PARD3B: variants seen among roughly 807,000 people sequenced by gnomAD.
PARD3B encodes partitioning defective 3 homolog B.
Under a neutral mutation model 130.2 loss-of-function variants are expected in PARD3B, and 103 were observed. The ratio of observed to expected loss-of-function variants is 0.79; its 90% confidence interval spans 0.67 to 0.93. PARD3B has a LOEUF of 0.93. Ranked by LOEUF, PARD3B falls within the 40% of genes least tolerant of loss-of-function variation. The pLI, the probability that PARD3B is intolerant of heterozygous loss-of-function variation, is 0.00. For synonymous variants in PARD3B, 583 were observed against 553.2 expected, an observed-to-expected ratio of 1.05 and a Z score of -0.76; for missense variants, 1,609 against 1,499.2, an observed-to-expected ratio of 1.07 and a Z score of -1.21.
At chr2:205,210,253 A>T (rs6731255) in intron 15 of PARD3B, among the ~76,000 whole-genome samples, 2 of 151,684 alleles carry the variant, frequency 1.3e-5, no homozygotes, top group Admixed American at 1.3e-4. Flanking sequence ...AAATAAAAAG[A>T]AAATCAGCTT....
rs146769665 is a variant in PARD3B, at chr2:205,576,900, A to G, written c.3260+23497A>G. 1.6e-3 allele frequency among the ~76,000 whole-genome samples: 243 copies of G among 152,310 alleles called. 1 individual carries two copies. The highest frequency in any genetic ancestry group is 2.5e-3 in the Non-Finnish European group (172 of 68,026). ...CAAGTTGGGAAGAACTGACATCTTG[A>G]GAGTATTGAGTCTTCCATCCATAAA... is the stretch of plus-strand genomic sequence containing the variant. On this transcript the variant is annotated intron_variant, in intron 22 of 22. Transcript: ENST00000406610.
At chr2:205,099,131 AGAG>A (rs1212294867) in intron 4 of PARD3B, among the ~76,000 whole-genome samples, 1 of 152,188 alleles carries the variant, frequency 6.6e-6, no homozygotes, top group Admixed American at 6.5e-5. Context: ...TTTGACCAAA[AGAG>A]GAGATAAAAT....
chr2:205,059,025 T>G (rs1357259057), intron 4 of PARD3B, among the ~76,000 whole-genome samples: 2 of 152,012 alleles, frequency 1.3e-5, no homozygotes, highest in African/African-American at 2.4e-5. Context: ...TATGAAGATT[T>G]TGCCTTATGT....
chr2:204,619,806 C>T (rs73059028), intron 1 of PARD3B, among the ~76,000 whole-genome samples: 12 of 152,198 alleles, frequency 7.9e-5, no homozygotes, highest in African/African-American at 2.6e-4. Flanking sequence ...AGAGAAGGGA[C>T]GGTATCAGGG....
At chr2:205,037,768 G>A (rs970030456) in intron 3 of PARD3B, among the ~76,000 whole-genome samples, 1 of 151,788 alleles carries the variant, frequency 6.6e-6, no homozygotes, top group Admixed American at 6.6e-5. Flanking sequence ...CCCAATGGGA[G>A]GAAGAGTAGT....
rs112401616 is a variant in PARD3B, at chr2:204,561,721, G to A, written c.120+15602G>A. Among the ~76,000 whole-genome samples the A allele has an allele frequency of 6.5e-3, 976 of 151,116 alleles. 6 individuals carry two copies. The highest frequency in any genetic ancestry group is 0.021 in the Middle Eastern group (6 of 292). On this transcript the variant is annotated intron_variant, in intron 1 of 22. Transcript: ENST00000406610. ...AGTGATTCTCCTGCCTCAGCCTCCC[G>A]AGTAGCTGGGATTACAGGTGCACGC...
intron 2 of PARD3B, among the ~76,000 whole-genome samples, chr2:204,727,057 T>A (rs2039266923): frequency 6.6e-6 from 1 of 152,202 alleles, no homozygotes; most frequent in African/African-American, 2.4e-5. Flanking sequence ...TTGAAACTCT[T>A]TGAACAGTTT....
rs369766633 is a variant in PARD3B, at chr2:205,473,684, GTATATA to G, written c.3045-26191_3045-26186del. Among the ~76,000 whole-genome samples the G allele has an allele frequency of 2.7e-3, 307 of 114,604 alleles. 2 individuals carry two copies. Among genetic ancestry groups the G allele is most frequent in the African/African-American group, 9.9e-3 (272 of 27,410 alleles). 75.2% of individuals were successfully genotyped at this position (114,604 alleles called of 152,430 possible). A position where few individuals can be genotyped will look rare whatever the true frequency, so the allele number is the denominator to read the frequency against. ...TGTGTGTGTGTGTGTGTGTGTGTAT[GTATATA>G]TATATATATATATATATATACACAC... is the stretch of plus-strand genomic sequence containing the variant. On this transcript the variant is annotated intron_variant, in intron 20 of 22. Transcript: ENST00000406610. This position sits in a 1 kb window ranked among gnomAD's most constrained non-coding sequence, Gnocchi z 4.9.
chr2:204,876,070 G>C (rs2045830447), intron 2 of PARD3B, among the ~76,000 whole-genome samples: 1 of 152,174 alleles, frequency 6.6e-6, no homozygotes, highest in Non-Finnish European at 1.5e-5. Context: ...CATGGCAGTG[G>C]AGCCAGTTGT....
intron 20 of PARD3B, among the ~76,000 whole-genome samples, chr2:205,498,707 C>T (rs188671115): frequency 1.3e-5 from 2 of 152,320 alleles, no homozygotes; most frequent in East Asian, 3.9e-4. Flanking sequence ...TTTGCACTCA[C>T]TGCCCTTCCC....
In PARD3B at chr2:205,351,356, T is replaced by C. The variant is rs947687202; in HGVS notation, c.2630+49655T>C. On this transcript the variant is annotated intron_variant, in intron 18 of 22. Coordinates refer to ENST00000406610, the MANE Select transcript of PARD3B (RefSeq NM_001302769.2). This position sits in a 1 kb window ranked among gnomAD's most constrained non-coding sequence, Gnocchi z 4.2. ...CCAGTTGGTTGCATTTTTTTCCTTTTTATCAGTCTAGATAGATTGAGCCTA... is the reference window on the plus strand; with the variant it reads ...CCAGTTGGTTGCATTTTTTTCCTTTCTATCAGTCTAGATAGATTGAGCCTA... 1.3e-5 allele frequency among the ~76,000 whole-genome samples: 2 copies of C among 152,194 alleles called. No individual in the cohort carries two copies.
chr2:204,923,266 A>C (rs1575317219), intron 2 of PARD3B, among the ~76,000 whole-genome samples: 1 of 152,058 alleles, frequency 6.6e-6, no homozygotes, highest in Non-Finnish European at 1.5e-5. Flanking sequence ...AAATTTACTG[A>C]AAATAAATTT....
chr2:205,107,352 G>T (rs1008900442), intron 5 of PARD3B, among the ~76,000 whole-genome samples: 8 of 152,132 alleles, frequency 5.3e-5, no homozygotes, highest in African/African-American at 1.2e-4. Context: ...TACTACCTGT[G>T]CAATCTTGGA....
rs544809925 is a variant in PARD3B at position 205,406,522 on chromosome 2, G to A, written c.2741+5399G>A. On this transcript the variant is annotated intron_variant, in intron 19 of 22. Transcript: ENST00000406610. ...CAGAGTTGTATAAATTTCAGTCACT[G>A]ATCTATTTCCTTTATTGTCTTAATT... Among the ~76,000 whole-genome samples the A allele has an allele frequency of 3.8e-4, 58 of 152,028 alleles. 1 individual carries two copies. The South Asian group carries it at 9.8e-3, about 26-fold the overall frequency.
chr2:205,047,816 T>A, intron 4 of PARD3B, 126 bp downstream of exon 4: 1 of 616,254 alleles, frequency 1.6e-6, no homozygotes, highest in Non-Finnish European at 2.8e-6. Flanking sequence ...ATATATAGTA[T>A]TAGTTATACT....
chr2:204,584,836 C>T (rs781258606), intron 1 of PARD3B, among the ~76,000 whole-genome samples: 1 of 152,180 alleles, frequency 6.6e-6, no homozygotes, highest in Non-Finnish European at 1.5e-5. Flanking sequence ...ACTGGGCCTT[C>T]CAAACAAAGG....
intron 16 of PARD3B, among the ~76,000 whole-genome samples, chr2:205,249,079 T>G (rs2039718455): frequency 1.4e-5 from 2 of 146,364 alleles, no homozygotes; most frequent in Non-Finnish European, 3.0e-5. Flanking sequence ...GCACGATCTC[T>G]GCTCACTGCA....
chr2:204,762,370 C>T (rs962592055), intron 2 of PARD3B, among the ~76,000 whole-genome samples: 12 of 152,114 alleles, frequency 7.9e-5, no homozygotes, highest in Admixed American at 4.6e-4. Flanking sequence ...CCAATCCACC[C>T]GGCTTGGCCT....
At chr2:205,097,614 A>G in intron 4 of PARD3B, among the ~76,000 whole-genome samples, 1 of 152,170 alleles carries the variant, frequency 6.6e-6, no homozygotes, top group East Asian at 1.9e-4. Flanking sequence ...CCCTAGACCT[A>G]CTGCAGTAGA....
Sources: allele counts gnomAD v4.1 joint callset (sites outside exome capture counted in the v4.1 genomes callset), GRCh38; gene constraint gnomAD v4.1.1; non-coding constraint Gnocchi (gnomAD v3.1); transcripts MANE v1.5; gene names NCBI Gene and HGNC (gene_info 2026-07-23, HGNC 2026-07-21).